Variants in NTM observed in about 807,000 individuals in gnomAD.
NTM encodes neurotrimin.
NTM carries 13 observed loss-of-function variants against 42.1 expected under a neutral mutation model. That is an observed-to-expected ratio of 0.31 (90% confidence interval 0.20 to 0.49). The LOEUF is 0.49. Ranked by LOEUF, NTM falls within the 20% of genes least tolerant of loss-of-function variation. NTM has a pLI of 0.99. For missense variants in NTM, 373 were observed against 452.8 expected (o/e 0.82, Z 1.60); for synonymous variants, 187 against 179.2 (o/e 1.04, Z -0.35).
At chr11:132,212,608 G>A (rs2083048610) in intron 4 of NTM, among the ~76,000 whole-genome samples, 1 of 152,126 alleles carries the variant, frequency 6.6e-6, no homozygotes, top group Admixed American at 6.5e-5. Flanking sequence ...TGTTTTTGTG[G>A]TTTTGTTGTT....
rs1354868997 is a variant in NTM at position 131,400,856 on chromosome 11, T to C, written c.82+29968T>C. Among the ~76,000 whole-genome samples the C allele has an allele frequency of 6.6e-5, 10 of 152,248 alleles. No individual in the cohort carries two copies. In the East Asian group the frequency reaches 1.7e-3, roughly 26 times the overall value. On this transcript the variant is annotated intron_variant, in intron 1 of 8. Coordinates refer to ENST00000683400, the MANE Select transcript of NTM (RefSeq NM_001352005.2). ...TATCATTTGATCACTCTCCCTTCCT[T>C]GAGCTTTGAATAAAACCACTTTTCT...
intron 2 of NTM, among the ~76,000 whole-genome samples, chr11:131,928,649 G>T (rs1383176025): frequency 2.9e-5 from 4 of 138,034 alleles, no homozygotes; most frequent in Admixed American, 1.4e-4. Context: ...TGCAAACTCT[G>T]TTTGTTTTCT....
chr11:132,096,777 G>A (rs2061052265), intron 2 of NTM, among the ~76,000 whole-genome samples: 2 of 152,248 alleles, frequency 1.3e-5, no homozygotes, highest in Middle Eastern at 3.4e-3. Flanking sequence ...ACATTTACAA[G>A]CCATAAATCA....
chr11:132,287,198 T>C (rs2094277050), intron 4 of NTM, among the ~76,000 whole-genome samples: 1 of 152,162 alleles, frequency 6.6e-6, no homozygotes, highest in Admixed American at 6.5e-5. Context: ...TCCTGGTGGG[T>C]GTAAAGCTGA....
chr11:131,586,881 A>G (rs1452500816), intron 1 of NTM, among the ~76,000 whole-genome samples: 1 of 152,168 alleles, frequency 6.6e-6, no homozygotes, highest in Non-Finnish European at 1.5e-5. Context: ...CACTTATCTC[A>G]CACTAACCGT....
chr11:132,287,270 TG>T (rs1384351405), intron 4 of NTM, among the ~76,000 whole-genome samples: 3 of 152,230 alleles, frequency 2.0e-5, no homozygotes, highest in African/African-American at 7.2e-5. Flanking sequence ...ATTATGATTT[TG>T]GTAAGTGGAG....
intron 1 of NTM, among the ~76,000 whole-genome samples, chr11:131,439,606 C>T (rs750309988): frequency 7.2e-5 from 11 of 152,210 alleles, no homozygotes; most frequent in Admixed American, 1.3e-4. Context: ...GGCATGGGAC[C>T]GGCCTAGTCA....
intron 2 of NTM, among the ~76,000 whole-genome samples, chr11:132,011,100 T>C (rs2072071446): frequency 6.6e-6 from 1 of 151,992 alleles, no homozygotes; most frequent in Non-Finnish European, 1.5e-5. Flanking sequence ...CCATTTCTTA[T>C]ATGATTAATA....
rs1565494793 is a variant in NTM at position 131,432,839 on chromosome 11, C to CATTTTTTTTTTTTTTTTTTTTTTT, written c.82+61951_82+61952insATTTTTTTTTTTTTTTTTTTTTTT. Among the ~76,000 whole-genome samples the CATTTTTTTTTTTTTTTTTTTTTTT allele has an allele frequency of 2.0e-4, 14 of 68,688 alleles. 1 individual carries two copies. The highest frequency in any genetic ancestry group is 2.8e-4 in the Non-Finnish European group (11 of 38,810). 45.1% of individuals were successfully genotyped at this position (68,688 alleles called of 152,430 possible). A position where few individuals can be genotyped will look rare whatever the true frequency, so the allele number is the denominator to read the frequency against. Reference sequence around the variant, plus strand: ...CTACAAAAGATGAAGATTTAGCATTCTTTTTTTTTTTTTTTTTTTTTTTTT... The same window carrying CATTTTTTTTTTTTTTTTTTTTTTT: ...CTACAAAAGATGAAGATTTAGCATTCATTTTTTTTTTTTTTTTTTTTTTTTTTTTTTTTTTTTTTTTTTTTTTTT... On this transcript the variant is annotated intron_variant, in intron 1 of 8. Coordinates refer to ENST00000683400, the MANE Select transcript of NTM (RefSeq NM_001352005.2).
chr11:131,691,198 G>A (rs914056586), intron 1 of NTM, among the ~76,000 whole-genome samples: 1 of 152,156 alleles, frequency 6.6e-6, no homozygotes, highest in Non-Finnish European at 1.5e-5. Flanking sequence ...CACAGCCTAC[G>A]GCCCGTCCCC....
intron 2 of NTM, among the ~76,000 whole-genome samples, chr11:132,070,110 C>A (rs1336898075): frequency 7.1e-6 from 1 of 140,524 alleles, no homozygotes; most frequent in Non-Finnish European, 1.5e-5. Context: ...TCAAACTGAC[C>A]GTCACAGGTT....
At chr11:132,254,555 C>T (rs75463607) in intron 4 of NTM, among the ~76,000 whole-genome samples, 2,564 of 152,106 alleles carry the variant, frequency 0.017, 58 homozygotes, top group African/African-American at 0.05. Context: ...TACCGCTGGC[C>T]TTCCTTTGGC....
chr11:131,750,704 A>C (rs1388097038), intron 1 of NTM, among the ~76,000 whole-genome samples: 3 of 152,184 alleles, frequency 2.0e-5, no homozygotes, highest in Non-Finnish European at 4.4e-5. Context: ...TCTGACTAGC[A>C]TCTCACTCTG....
intron 1 of NTM, among the ~76,000 whole-genome samples, chr11:131,789,664 AAG>A (rs200638445): frequency 8.2e-6 from 1 of 121,542 alleles, no homozygotes; most frequent in African/African-American, 3.0e-5. Flanking sequence ...GAAGAAGAAG[AAG>A]AAAGCATGGG....
chr11:132,155,613 T>C (rs920953764), intron 3 of NTM, among the ~76,000 whole-genome samples: 15 of 152,224 alleles, frequency 9.9e-5, no homozygotes, highest in African/African-American at 3.6e-4. Context: ...ATCTCCTGTG[T>C]TCTCACAGTT....
chr11:131,470,808 TAAAAGG>T (rs1952364381), intron 1 of NTM, among the ~76,000 whole-genome samples: 1 of 152,036 alleles, frequency 6.6e-6, no homozygotes, highest in Non-Finnish European at 1.5e-5. Context: ...CTCCTGAACT[TAAAAGG>T]GAAAGCAGCC....
chr11:131,811,434 C>G (rs544811608), intron 1 of NTM, among the ~76,000 whole-genome samples: 1 of 152,278 alleles, frequency 6.6e-6, no homozygotes, highest in African/African-American at 2.4e-5. Flanking sequence ...CTCCAACAGG[C>G]AGGCTTGAGG....
chr11:132,224,106 A>C (rs891894043), intron 4 of NTM, among the ~76,000 whole-genome samples: 5 of 152,178 alleles, frequency 3.3e-5, no homozygotes, highest in African/African-American at 1.2e-4. Flanking sequence ...CTATTCAATA[A>C]AAGTGTGAAA....
chr11:131,529,127 C>G (rs983685367), intron 1 of NTM, among the ~76,000 whole-genome samples: 1 of 152,202 alleles, frequency 6.6e-6, no homozygotes, highest in Admixed American at 6.5e-5. Flanking sequence ...GCAGTTTCTG[C>G]TAAACAGATG....
Sources: allele counts gnomAD v4.1 joint callset (sites outside exome capture counted in the v4.1 genomes callset), GRCh38; gene constraint gnomAD v4.1.1; transcripts MANE v1.5; gene names NCBI Gene and HGNC (gene_info 2026-07-23, HGNC 2026-07-21).